DYNC1I1: variants seen among roughly 807,000 people sequenced by gnomAD.
The protein encoded by DYNC1I1 is dynein cytoplasmic 1 intermediate chain 1.
A neutral mutation model predicts 86.6 loss-of-function variants in DYNC1I1; 43 were observed. The observed-to-expected ratio is 0.50, with a 90% CI of 0.39 to 0.64. DYNC1I1 has a LOEUF of 0.64. DYNC1I1 is among the 30% of genes least tolerant of loss of function. The pLI is 0.00. For synonymous variants in DYNC1I1, 262 were observed against 283.7 expected (o/e 0.92, Z 0.77); for missense variants, 604 against 788.8 (o/e 0.77, Z 2.81).
chr7:95,790,683 A>G (rs956257638), intron 1 of DYNC1I1, among the ~76,000 whole-genome samples: 8 of 152,236 alleles, frequency 5.3e-5, no homozygotes, highest in African/African-American at 1.7e-4. Context: ...AGAATACAAG[A>G]TAAGTAGAAT....
Position 95,983,847 on chromosome 7 carries a change from C to T in DYNC1I1, c.581-968C>T, listed in dbSNP as rs142679702. ...AAGTTTAACTTCAGGAGCTTCTGTACTACTTACTGAAAGAGTAACCAATGA... is the reference window on the plus strand; with the variant it reads ...AAGTTTAACTTCAGGAGCTTCTGTATTACTTACTGAAAGAGTAACCAATGA... On this transcript the variant is annotated intron_variant, in intron 7 of 16. Transcript: ENST00000447467. Among the ~76,000 whole-genome samples, 260 of 152,228 alleles carry T rather than the reference C, an allele frequency of 1.7e-3. 1 individual carries two copies. The highest frequency in any genetic ancestry group is 5.7e-3 in the African/African-American group (235 of 41,540).
chr7:95,844,503 C>T (rs536807436), intron 5 of DYNC1I1, among the ~76,000 whole-genome samples: 37 of 152,170 alleles, frequency 2.4e-4, no homozygotes, highest in Non-Finnish European at 4.6e-4. Context: ...TGAAGGCCTG[C>T]TATGCCACAT....
At chr7:95,958,851 T>C (rs1471123880) in intron 6 of DYNC1I1, among the ~76,000 whole-genome samples, 1 of 152,228 alleles carries the variant, frequency 6.6e-6, no homozygotes, top group East Asian at 1.9e-4. Context: ...TATCTACTAT[T>C]TTCCAGGCAT....
chr7:95,982,566 A>G (rs1182582074), intron 7 of DYNC1I1, among the ~76,000 whole-genome samples: 2 of 152,206 alleles, frequency 1.3e-5, no homozygotes, highest in African/African-American at 4.8e-5. Flanking sequence ...AAGGAAAGAT[A>G]CAGGTGAAAT....
At chr7:95,884,283 G>A (rs1344333477) in intron 6 of DYNC1I1, among the ~76,000 whole-genome samples, 1 of 152,184 alleles carries the variant, frequency 6.6e-6, no homozygotes, top group Non-Finnish European at 1.5e-5. Context: ...GCACAAATGA[G>A]GAAGAATTTC....
intron 9 of DYNC1I1, among the ~76,000 whole-genome samples, chr7:95,990,981 G>T (rs929565740): frequency 6.6e-6 from 1 of 151,872 alleles, no homozygotes; most frequent in African/African-American, 2.4e-5. Flanking sequence ...GTGAGCTAAG[G>T]TCTCATCACT....
intron 16 of DYNC1I1, among the ~76,000 whole-genome samples, chr7:96,109,244 G>GGGTACGTA (rs1166599602): frequency 1.3e-5 from 2 of 150,396 alleles, no homozygotes; most frequent in Non-Finnish European, 3.0e-5. Flanking sequence ...TTAAGTTTTA[G>GGGTACGTA]GGTACGTATA....
intron 4 of DYNC1I1, chr7:95,818,784 TTTATA>T (rs1315459923): frequency 1.1e-4 from 41 of 364,734 alleles, no homozygotes; most frequent in African/African-American, 6.0e-4. Flanking sequence ...TGCTTATTCT[TTTATA>T]TTATATGTAT....
chr7:95,920,492 A>G (rs955964499), intron 6 of DYNC1I1, among the ~76,000 whole-genome samples: 2 of 152,240 alleles, frequency 1.3e-5, no homozygotes, highest in African/African-American at 4.8e-5. Flanking sequence ...AATGGATTCT[A>G]GAGTGTCCGT....
chr7:95,867,566 C>T lies in DYNC1I1; in HGVS notation c.375-2317C>T, dbSNP rs148354830. On this transcript the variant is annotated intron_variant, in intron 5 of 16. Coordinates refer to ENST00000447467, the MANE Select transcript of DYNC1I1 (RefSeq NM_001135556.2). Reference sequence around the variant, plus strand: ...GGTGGAGTATCAAATTACACATCAGCCTCCTGTTGCCCAGCACCTGTTGCT... The same window carrying T: ...GGTGGAGTATCAAATTACACATCAGTCTCCTGTTGCCCAGCACCTGTTGCT... Among the ~76,000 whole-genome samples, 549 of 152,302 alleles carry T rather than the reference C, an allele frequency of 3.6e-3. 3 individuals are homozygous for T. The highest frequency in any genetic ancestry group is 0.013 in the African/African-American group (534 of 41,570).
chr7:95,967,014 C>T (rs556294520), intron 6 of DYNC1I1, among the ~76,000 whole-genome samples: 2 of 152,112 alleles, frequency 1.3e-5, no homozygotes, highest in African/African-American at 4.8e-5. Context: ...ACTGAGAAAA[C>T]GTCCTTTTTA....
chr7:95,957,441 C>CCCT (rs1050406941), intron 6 of DYNC1I1, among the ~76,000 whole-genome samples: 3 of 151,508 alleles, frequency 2.0e-5, no homozygotes, highest in Non-Finnish European at 2.9e-5. Context: ...GATCTTTATC[C>CCCT]CCTCCTCCTC....
intron 6 of DYNC1I1, among the ~76,000 whole-genome samples, chr7:95,885,050 A>G (rs976300921): frequency 3.9e-5 from 6 of 152,256 alleles, no homozygotes; most frequent in Admixed American, 2.0e-4. Flanking sequence ...TAATGTTTCC[A>G]TAAAAGATTC....
intron 16 of DYNC1I1, among the ~76,000 whole-genome samples, chr7:96,091,387 A>G (rs1405722855): frequency 1.3e-5 from 2 of 152,318 alleles, no homozygotes; most frequent in Non-Finnish European, 2.9e-5. Flanking sequence ...CACACTTTTT[A>G]AAATTACTTC....
rs145322007 is a variant in DYNC1I1, at chr7:96,028,144, ATCTC to A, written c.970-18_970-15del. 14 of 1,574,670 alleles carry A rather than the reference ATCTC, an allele frequency of 8.9e-6. No individual in the cohort carries two copies. The African/African-American group carries it at 1.2e-4, about 14-fold the overall frequency. ...GTCACCTACAACCATTTCACATTGC[ATCTC>A]TCTCTCTCTCTCCTTTTCCCTGACA... is the stretch of plus-strand genomic sequence containing the variant. On this transcript the variant is annotated intron_variant, in intron 10 of 16. Transcript: ENST00000447467.
intron 16 of DYNC1I1, among the ~76,000 whole-genome samples, chr7:96,095,000 A>G (rs551283323): frequency 6.6e-6 from 1 of 152,318 alleles, no homozygotes; most frequent in South Asian, 2.1e-4. Context: ...AGAGGACAAG[A>G]TGTGTTAGAT....
At chr7:95,832,817 T>C (rs1470447882) in intron 5 of DYNC1I1, among the ~76,000 whole-genome samples, 4 of 152,228 alleles carry the variant, frequency 2.6e-5, no homozygotes, top group Non-Finnish European at 5.9e-5. Context: ...GATGGGATTG[T>C]TTGTTTTTTT....
intron 4 of DYNC1I1, among the ~76,000 whole-genome samples, chr7:95,816,104 A>G (rs1350445222): frequency 1.3e-5 from 2 of 151,988 alleles, no homozygotes; most frequent in Non-Finnish European, 2.9e-5. Flanking sequence ...TGCAACCTCA[A>G]ACTCCTGGGC....
At chr7:96,033,151 A>G (rs1389945495) in intron 12 of DYNC1I1, among the ~76,000 whole-genome samples, 1 of 152,224 alleles carries the variant, frequency 6.6e-6, no homozygotes, top group Admixed American at 6.5e-5. Context: ...GGGTACTTGC[A>G]TTGGAGGGAA....
Sources: allele counts gnomAD v4.1 joint callset (sites outside exome capture counted in the v4.1 genomes callset), GRCh38; gene constraint gnomAD v4.1.1; transcripts MANE v1.5; gene names NCBI Gene and HGNC (gene_info 2026-07-23, HGNC 2026-07-21).